The following RTKN2 variants were observed in gnomAD, a reference collection of about 807,000 sequenced individuals.
RTKN2 encodes rhotekin-2.
A neutral mutation model predicts 71.5 loss-of-function variants in RTKN2; 69 were observed. The observed-to-expected ratio is 0.96, with a 90% CI of 0.79 to 1.18. RTKN2 has a LOEUF of 1.18. Among genes scored for constraint, RTKN2 ranks in the 50% most tolerant of loss-of-function variants. The pLI is 0.00. For synonymous variants in RTKN2, 236 were observed against 236.5 expected (o/e 1.00, Z 0.02); for missense variants, 724 against 719.7 (o/e 1.01, Z -0.07).
At chr10:62,216,640 C>T (rs1442531445) in intron 9 of RTKN2, among the ~76,000 whole-genome samples, 2 of 152,020 alleles carry the variant, frequency 1.3e-5, no homozygotes, top group Non-Finnish European at 2.9e-5. Context: ...GCAGTATAAG[C>T]ACTCAACTAT....
At chr10:62,263,732 C>T (rs1339156114) in intron 1 of RTKN2, among the ~76,000 whole-genome samples, 1 of 152,182 alleles carries the variant, frequency 6.6e-6, no homozygotes, top group Non-Finnish European at 1.5e-5. Context: ...AAGCGCTGTA[C>T]ACTGAAAATG....
At chr10:62,227,814 G>A (rs1842061446) in intron 6 of RTKN2, among the ~76,000 whole-genome samples, 1 of 152,198 alleles carries the variant, frequency 6.6e-6, no homozygotes, top group South Asian at 2.1e-4. Flanking sequence ...AACGGTGGTG[G>A]TGGGGTGGTG....
At chr10:62,200,804 A>G (rs970902267) in intron 10 of RTKN2, among the ~76,000 whole-genome samples, 2 of 152,098 alleles carry the variant, frequency 1.3e-5, no homozygotes, top group African/African-American at 2.4e-5. Flanking sequence ...TTATAAAGTC[A>G]TATCACCCAA....
chr10:62,240,549 TA>T (rs1334253627), intron 4 of RTKN2, among the ~76,000 whole-genome samples: 1 of 152,200 alleles, frequency 6.6e-6, no homozygotes, highest in Non-Finnish European at 1.5e-5. Context: ...ATTCAGTTTT[TA>T]AAGTACAAGG....
intron 10 of RTKN2, among the ~76,000 whole-genome samples, chr10:62,204,457 A>G (rs1347028086): frequency 1.3e-5 from 2 of 152,188 alleles, no homozygotes; most frequent in African/African-American, 4.8e-5. Flanking sequence ...GAAGGCTACA[A>G]AGTGAGACTC....
intron 2 of RTKN2, among the ~76,000 whole-genome samples, chr10:62,250,097 C>A (rs558390562): frequency 6.6e-6 from 1 of 152,122 alleles, no homozygotes; most frequent in African/African-American, 2.4e-5. Context: ...CATCTGAAAC[C>A]GTCAAAACCA....
intron 6 of RTKN2, among the ~76,000 whole-genome samples, chr10:62,234,074 A>G (rs1296619063): frequency 6.6e-6 from 1 of 152,180 alleles, no homozygotes; most frequent in Non-Finnish European, 1.5e-5. Flanking sequence ...GAAAAATACA[A>G]GGTGAAAGGG....
At chr10:62,188,525 CG>C (rs1841170567), downstream of RTKN2, among the ~76,000 whole-genome samples, 2 of 152,074 alleles carry the variant, frequency 1.3e-5, no homozygotes, top group Admixed American at 1.3e-4. Context: ...TCAGAGAGTT[CG>C]TGAACGTATT....
chr10:62,268,745 G>A lies in RTKN2; in HGVS notation c.-135C>T, dbSNP rs1842916894. 2 of 917,534 alleles carry A rather than the reference G, an allele frequency of 2.2e-6. No homozygotes were observed. The highest frequency in any genetic ancestry group is 3.2e-6 in the Non-Finnish European group (2 of 618,094). 56.8% of individuals were successfully genotyped at this position (917,534 alleles called of 1,614,324 possible). Reference sequence around the variant, plus strand: ...CCAGTCGCAGGGGCCGGGGGCGCAGGAGGAGCCGGGCCGAAGCGCACGCGC... The same window carrying A: ...CCAGTCGCAGGGGCCGGGGGCGCAGAAGGAGCCGGGCCGAAGCGCACGCGC... On this transcript the variant is annotated 5_prime_UTR_variant, in exon 1 of 12. Coordinates refer to ENST00000373789, the MANE Select transcript of RTKN2 (RefSeq NM_145307.4).
chr10:62,262,876 C>T, intron 1 of RTKN2, 55 bp from the exon 2 acceptor site: 2 of 1,163,506 alleles, frequency 1.7e-6, no homozygotes, highest in Non-Finnish European at 2.4e-6. Flanking sequence ...TACATCTTAA[C>T]CCATAATAGA....
downstream of RTKN2, among the ~76,000 whole-genome samples, chr10:62,188,487 C>G (rs1406377268): frequency 3.3e-5 from 5 of 152,182 alleles, no homozygotes; most frequent in Admixed American, 2.0e-4. Flanking sequence ...AGGAGGAGAA[C>G]TAAGCTCCAC....
Position 62,194,999 on chromosome 10 carries a change from A to G in RTKN2, c.*2909T>C. 1 of 985,376 alleles carries G rather than the reference A, an allele frequency of 1.0e-6. No individual in the cohort carries two copies. Among genetic ancestry groups the G allele is most frequent in the African/African-American group, 1.7e-5 (1 of 57,364 alleles). The allele number at this position is 985,376 out of a possible 1,614,324, so 61.0% of individuals were successfully genotyped here. A position where few individuals can be genotyped will look rare whatever the true frequency, so the allele number is the denominator to read the frequency against. On this transcript the variant is annotated 3_prime_UTR_variant, in exon 12 of 12. Coordinates refer to ENST00000373789, the MANE Select transcript of RTKN2 (RefSeq NM_145307.4). ...GCCTGATATTTTTGAAAGACTATTT[A>G]CCTTAGGAGGTGTGCATTTAGAATT...
rs5785514 is a variant in RTKN2, at chr10:62,217,252, GA to G, written c.889-4del. The G allele has an allele frequency of 8.4e-3, 10,766 of 1,281,880 alleles. No homozygotes were observed. The highest frequency in any genetic ancestry group is 0.017 in the South Asian group (997 of 60,050). 79.4% of individuals were successfully genotyped at this position (1,281,880 alleles called of 1,614,324 possible). A position where few individuals can be genotyped will look rare whatever the true frequency, so the allele number is the denominator to read the frequency against. ...CTAATCAGACCTTCTACCATTTGCT[GA>G]AAAAAAAAAAAAAAAAATCAAGAGA... On this transcript the variant is annotated splice_region_variant and splice_polypyrimidine_tract_variant and intron_variant, in intron 8 of 11. Coordinates refer to ENST00000373789, the MANE Select transcript of RTKN2 (RefSeq NM_145307.4).
At chr10:62,213,215 A>G (rs1481130941) in intron 9 of RTKN2, among the ~76,000 whole-genome samples, 1 of 152,318 alleles carries the variant, frequency 6.6e-6, no homozygotes, top group East Asian at 1.9e-4. Flanking sequence ...AAAGATTGTT[A>G]GAAAACAAAC....
rs956202611 is a variant in RTKN2, at chr10:62,197,688, C to G, written c.*220G>C. The stretch of plus-strand genomic sequence containing the variant: ...CAATTAGGATATTGTCTAGAAACTG[C>G]CTCTTGCACACTGCTGGAGAAATCA... On this transcript the variant is annotated 3_prime_UTR_variant, in exon 12 of 12. Coordinates refer to ENST00000373789, the MANE Select transcript of RTKN2 (RefSeq NM_145307.4). 3.7e-5 allele frequency: 50 copies of G among 1,345,222 alleles called. No individual in the cohort carries two copies. The highest frequency in any genetic ancestry group is 4.7e-5 in the Non-Finnish European group (49 of 1,053,278). The allele number at this position is 1,345,222 out of a possible 1,614,324, so 83.3% of individuals were successfully genotyped here.
intron 5 of RTKN2, among the ~76,000 whole-genome samples, chr10:62,237,688 G>C (rs1388376480): frequency 6.6e-6 from 1 of 151,638 alleles, no homozygotes; most frequent in East Asian, 1.9e-4. Context: ...ACTCGTCACT[G>C]TGTCCCCTGA....
In RTKN2 at chr10:62,217,188, A is replaced by G. The variant is rs370723437; in HGVS notation, c.950T>C (p.Leu317Pro). ...RLYCVLRGGKLYCFYSPEEIE... is the reference protein window; with the variant it reads ...RLYCVLRGGKPYCFYSPEEIE... The stretch of plus-strand genomic sequence containing the variant: ...TTCCTCTGGACTGTAAAAACAATAG[A>G]GTTTACCTCCTCGCAAAACACAATA... The change falls in exon 9 of 12, where the codon CTC becomes CCC. Residue 317 changes from leucine (L) to proline (P), a missense_variant. Leu to Pro is a moderately conservative substitution (Grantham distance 98). Coordinates refer to ENST00000373789, the MANE Select transcript of RTKN2 (RefSeq NM_145307.4). 8.7e-6 allele frequency: 14 copies of G among 1,605,618 alleles called. No individual in the cohort carries two copies. The highest frequency in any genetic ancestry group is 1.3e-5 in the African/African-American group (1 of 74,398).
chr10:62,212,564 G>A (rs949219684), intron 9 of RTKN2, among the ~76,000 whole-genome samples: 6 of 151,750 alleles, frequency 4.0e-5, no homozygotes, highest in African/African-American at 1.5e-4. Flanking sequence ...TTAGCCAGGT[G>A]TGGTGGCACG....
At position 62,199,867 on chromosome 10, in the gene RTKN2, A is replaced by T. The variant is rs371866799; in HGVS notation, c.1187-6T>A. On this transcript the variant is annotated splice_region_variant and splice_polypyrimidine_tract_variant and intron_variant, in intron 10 of 11. Coordinates refer to ENST00000373789, the MANE Select transcript of RTKN2 (RefSeq NM_145307.4). ...ACAACAGTGCTTCCATTGGCCTAAGACAGACAGAAAAAAGGTAGACTAGTT... is the reference window on the plus strand; with the variant it reads ...ACAACAGTGCTTCCATTGGCCTAAGTCAGACAGAAAAAAGGTAGACTAGTT... 131 of 1,574,936 alleles carry T rather than the reference A, an allele frequency of 8.3e-5. No individual in the cohort carries two copies. The African/African-American group carries it at 1.5e-3, about 18-fold the overall frequency.
Sources: gnomAD v4.1 joint callset for allele counts (sites outside exome capture counted in the v4.1 genomes callset) on GRCh38, gnomAD v4.1.1 for gene constraint, MANE v1.5 for transcripts, NCBI Gene and HGNC (gene_info 2026-07-23, HGNC 2026-07-21) for gene names.